Variants in R3HDM1 observed in about 807,000 individuals in gnomAD.
R3HDM1 encodes the protein R3H domain-containing protein 1.
R3HDM1 carries 46 observed loss-of-function variants against 141.1 expected under a neutral mutation model. The observed-to-expected ratio is 0.33, with a 90% confidence interval of 0.26 to 0.42. R3HDM1 has a LOEUF of 0.42. Among genes scored for constraint, R3HDM1 ranks in the 10% least tolerant of loss-of-function variants. The pLI is 1.00. For synonymous variants in R3HDM1, 435 were observed against 472.9 expected (o/e 0.92, Z 1.04); for missense variants, 1,184 against 1,368.3 (o/e 0.87, Z 2.12).
intron 1 of R3HDM1, among the ~76,000 whole-genome samples, chr2:135,541,567 G>A (rs1697515446): frequency 6.6e-6 from 1 of 152,110 alleles, no homozygotes; most frequent in Admixed American, 6.6e-5. Flanking sequence ...AAGAGAGGGA[G>A]AAGAGATGGG....
In R3HDM1 at chr2:135,641,666, T is replaced by C. The variant is rs746354079; in HGVS notation, c.1350T>C (p.His450=). 2 of 1,614,160 alleles carry C rather than the reference T, an allele frequency of 1.2e-6. No homozygotes were observed. The highest frequency in any genetic ancestry group is 1.6e-4 in the Middle Eastern group (1 of 6,062). ...APVVYPTVST[H]SSLSFDGGLN... is the part of the protein sequence containing the mutation. ...TCGTCTATCCAACTGTCAGCACTCA[T>C]AGTTCTCTTTCCTTTGATGGTGGCC... The change falls in exon 15 of 27, where the codon CAT becomes CAC. Residue 450 remains histidine (H), a synonymous_variant. Coordinates refer to ENST00000683871, the MANE Select transcript of R3HDM1 (RefSeq NM_001378107.1).
intron 16 of R3HDM1, among the ~76,000 whole-genome samples, chr2:135,648,643 C>G (rs1471729346): frequency 1.3e-5 from 2 of 151,986 alleles, no homozygotes; most frequent in African/African-American, 4.8e-5. Context: ...AAGTGGGTTG[C>G]TATAGTCTTT....
At chr2:135,665,590 A>G (rs2067369385) in intron 19 of R3HDM1, 1 of 308,354 alleles carries the variant, frequency 3.2e-6, no homozygotes, top group Admixed American at 3.6e-5. Flanking sequence ...TAAATCATGC[A>G]TCATACTCAG....
At chr2:135,531,973 G>A (rs1314996280) in intron 1 of R3HDM1, among the ~76,000 whole-genome samples, 1 of 152,242 alleles carries the variant, frequency 6.6e-6, no homozygotes, top group East Asian at 1.9e-4. Flanking sequence ...TAGCGGAGGA[G>A]GCAGGGGAAA....
chr2:135,701,594 G>T (rs1034292323), intron 21 of R3HDM1, among the ~76,000 whole-genome samples: 1 of 152,116 alleles, frequency 6.6e-6, no homozygotes, highest in Non-Finnish European at 1.5e-5. Flanking sequence ...ATTTGATTCA[G>T]GTGATCTAGA....
chr2:135,668,220 C>A (rs1223158616), intron 19 of R3HDM1, among the ~76,000 whole-genome samples: 2 of 152,060 alleles, frequency 1.3e-5, no homozygotes, highest in South Asian at 4.1e-4. Flanking sequence ...CAACATAGAT[C>A]CCAGTTTTAT....
At chr2:135,539,904 C>T (rs1248353883) in intron 1 of R3HDM1, among the ~76,000 whole-genome samples, 1 of 152,108 alleles carries the variant, frequency 6.6e-6, no homozygotes, top group Non-Finnish European at 1.5e-5. Flanking sequence ...GAAAATAAGA[C>T]AACAATGAAA....
At chr2:135,662,914 C>T (rs1163246265) in intron 19 of R3HDM1, among the ~76,000 whole-genome samples, 2 of 151,976 alleles carry the variant, frequency 1.3e-5, no homozygotes, top group African/African-American at 4.8e-5. Context: ...TACCTTCATG[C>T]TACTCATTTA....
At chr2:135,617,699 T>C (rs536306123) in intron 5 of R3HDM1, among the ~76,000 whole-genome samples, 1 of 152,332 alleles carries the variant, frequency 6.6e-6, no homozygotes, top group Admixed American at 6.5e-5. Context: ...TGTATATTTA[T>C]GCATAAATAT....
intron 1 of R3HDM1, among the ~76,000 whole-genome samples, chr2:135,590,894 G>A (rs961107525): frequency 3.9e-5 from 6 of 152,130 alleles, no homozygotes; most frequent in Non-Finnish European, 1.5e-5. Context: ...GAAATCAAAC[G>A]TTTTCTAGCC....
chr2:135,606,962 T>A lies in R3HDM1; in HGVS notation c.171+1946T>A, dbSNP rs1180250698. 2.9e-5 allele frequency among the ~76,000 whole-genome samples: 4 copies of A among 139,542 alleles called. No individual in the cohort carries two copies. In the East Asian group the frequency reaches 8.8e-4, roughly 31 times the overall value. 91.5% of individuals were successfully genotyped at this position (139,542 alleles called of 152,430 possible). A position where few individuals can be genotyped will look rare whatever the true frequency, so the allele number is the denominator to read the frequency against. On this transcript the variant is annotated intron_variant, in intron 3 of 26. Coordinates refer to ENST00000683871, the MANE Select transcript of R3HDM1 (RefSeq NM_001378107.1). ...TTCACTTTTTTAAAGTAAAGAAACC[T>A]GGTTTTTTTGGGTGGGGGGGCGGGG...
chr2:135,561,125 G>T (rs2104959563), intron 1 of R3HDM1, among the ~76,000 whole-genome samples: 1 of 152,240 alleles, frequency 6.6e-6, no homozygotes, highest in South Asian at 2.1e-4. Context: ...TAGATCACAG[G>T]TGATCTCATC....
In R3HDM1 at chr2:135,651,782, C is replaced by G. The variant is rs764457482; in HGVS notation, c.1778C>G (p.Ser593Cys). The G allele has an allele frequency of 6.2e-7, 1 of 1,614,010 alleles. No individual in the cohort carries two copies. ...FSHMSLARQPSADGSDPHAAM... is the reference protein window; with the variant it reads ...FSHMSLARQPCADGSDPHAAM... ...CACATGAGTCTTGCTCGCCAGCCATCTGCTGATGGTTCTGACCCTCATGCC... is the reference window on the plus strand; with the variant it reads ...CACATGAGTCTTGCTCGCCAGCCATGTGCTGATGGTTCTGACCCTCATGCC... Residue 593 changes from serine (S) to cysteine (C), a missense_variant, in exon 18 of 27, where the codon TCT becomes TGT. By Grantham distance (112) the Ser-to-Cys change is moderately radical. Around this residue, in one of 5 missense-constraint regions of R3HDM1, gnomAD observed 563 missense variants for 562.0 expected, o/e 1.00. Coordinates refer to ENST00000683871, the MANE Select transcript of R3HDM1 (RefSeq NM_001378107.1).
intron 1 of R3HDM1, among the ~76,000 whole-genome samples, chr2:135,589,898 TTATAA>T (rs1212603379): frequency 6.6e-6 from 1 of 152,108 alleles, no homozygotes; most frequent in Non-Finnish European, 1.5e-5. Flanking sequence ...TGTCATTTTA[TTATAA>T]TATACATAGA....
intron 19 of R3HDM1, among the ~76,000 whole-genome samples, chr2:135,666,524 T>A (rs949804728): frequency 1.3e-5 from 2 of 152,178 alleles, no homozygotes; most frequent in Non-Finnish European, 2.9e-5. Context: ...TCCATTAACC[T>A]GCCGCCACTG....
intron 7 of R3HDM1, among the ~76,000 whole-genome samples, chr2:135,629,122 G>A (rs1009561100): frequency 2.6e-5 from 4 of 152,098 alleles, no homozygotes; most frequent in Non-Finnish European, 5.9e-5. Context: ...TTCGAGACCA[G>A]CCTGGACAAT....
At chr2:135,709,082 C>T (rs180766813) in intron 21 of R3HDM1, among the ~76,000 whole-genome samples, 8 of 151,676 alleles carry the variant, frequency 5.3e-5, no homozygotes, top group Non-Finnish European at 1.0e-4. Flanking sequence ...CTGTTGTTTC[C>T]TCTATTCTTA....
At chr2:135,582,875 A>G (rs1340093054) in intron 1 of R3HDM1, among the ~76,000 whole-genome samples, 2 of 152,260 alleles carry the variant, frequency 1.3e-5, no homozygotes, top group Non-Finnish European at 2.9e-5. Context: ...TAAATAAAAA[A>G]TGCTGCAGTA....
chr2:135,723,999 A>C lies in R3HDM1; in HGVS notation c.3112A>C (p.Lys1038Gln). Residue 1038 changes from lysine (K) to glutamine (Q), a missense_variant, in exon 27 of 27, where the codon AAG becomes CAG. Physicochemically the swap from Lys to Gln is moderately conservative, Grantham distance 53. Around this residue, in one of 5 missense-constraint regions of R3HDM1, gnomAD observed 182 missense variants for 252.6 expected, o/e 0.72. Transcript: ENST00000683871. ...TGGAATAACTCGCATGGAAGCTGAA[A>C]AGCTTTTTGGGGAACTCTTTAAAAT... is the stretch of plus-strand genomic sequence containing the variant. ...PDGITRMEAE[K>Q]LFGELFKIGA... 1.9e-6 allele frequency: 3 copies of C among 1,614,002 alleles called. No individual in the cohort carries two copies.
Sources: gnomAD v4.1 joint callset for allele counts (sites outside exome capture counted in the v4.1 genomes callset) on GRCh38, gnomAD v4.1.1 for gene constraint, gnomAD v4.1.1 regional missense constraint, MANE v1.5 for transcripts, NCBI Gene and HGNC (gene_info 2026-07-23, HGNC 2026-07-21) for gene names.